Variants in TADA1 observed in about 807,000 individuals in gnomAD.
The protein encoded by TADA1 is transcriptional adapter 1.
In TADA1, 23 loss-of-function variants were observed where a neutral mutation model predicts 39.3. The observed-to-expected ratio is 0.58, with a 90% CI of 0.42 to 0.83. The LOEUF (loss-of-function observed/expected upper bound fraction) is 0.83, where lower values mean the gene tolerates loss of function less well. TADA1 is among the 40% of genes least tolerant of loss of function. TADA1 has a pLI of 0.00. For missense variants in TADA1, 352 were observed against 408.1 expected (o/e 0.86, Z 1.18); for synonymous variants, 137 against 151.8 (o/e 0.90, Z 0.72).
chr1:166,858,640 A>G (rs1658338206), intron 6 of TADA1, among the ~76,000 whole-genome samples: 1 of 152,254 alleles, frequency 6.6e-6, no homozygotes, highest in African/African-American at 2.4e-5. Flanking sequence ...AATTAGAAGA[A>G]AAGAAGACAT....
chr1:166,866,716 C>T (rs1658542743), intron 3 of TADA1, among the ~76,000 whole-genome samples: 1 of 151,900 alleles, frequency 6.6e-6, no homozygotes, highest in Non-Finnish European at 1.5e-5. Flanking sequence ...ACGAATACCA[C>T]TTCAACATTT....
At chr1:166,866,567 A>G (rs1658540286) in intron 3 of TADA1, among the ~76,000 whole-genome samples, 1 of 152,170 alleles carries the variant, frequency 6.6e-6, no homozygotes, top group Non-Finnish European at 1.5e-5. Context: ...TATTAATTTC[A>G]TTTTGAGAAA....
intron 4 of TADA1, 99 bp downstream of exon 4, chr1:166,863,725 T>C: frequency 9.2e-7 from 1 of 1,089,656 alleles, no homozygotes; most frequent in Non-Finnish European, 1.4e-6. Flanking sequence ...TTTTCAACTC[T>C]ACTACCAGTA....
rs375468716 is a variant in TADA1, at chr1:166,872,621, G to A, written c.75-2767C>T. ...CAGGAGGCAGAGGTTGCAGTGAGCC[G>A]AGATAGTGCCATTGCACTCCAGCCT... On this transcript the variant is annotated intron_variant, in intron 1 of 7. Coordinates refer to ENST00000367874, the MANE Select transcript of TADA1 (RefSeq NM_053053.4). 1.7e-4 allele frequency among the ~76,000 whole-genome samples: 26 copies of A among 152,044 alleles called. 1 individual carries two copies. The highest frequency in any genetic ancestry group is 1.5e-3 in the East Asian group (8 of 5,164).
intron 6 of TADA1, 53 bp from the exon 7 acceptor site, chr1:166,858,334 A>G (rs1658331291): frequency 1.4e-6 from 2 of 1,395,856 alleles, no homozygotes; most frequent in Admixed American, 5.2e-5. Flanking sequence ...CTGAGCAACA[A>G]GGACAGGAGT....
At chr1:166,874,506 T>C (rs184324670) in intron 1 of TADA1, among the ~76,000 whole-genome samples, 1 of 151,890 alleles carries the variant, frequency 6.6e-6, no homozygotes. Context: ...TACACTATAG[T>C]CGGGTGTGGT....
intron 3 of TADA1, 185 bp downstream of exon 3, chr1:166,869,260 T>C (rs1418140995): frequency 1.9e-6 from 1 of 535,108 alleles, no homozygotes; most frequent in Non-Finnish European, 3.4e-6. Flanking sequence ...TTCTTAAAAA[T>C]AAAGAGTTTC....
chr1:166,858,383 T>C, intron 6 of TADA1, 102 bp from the exon 7 acceptor site: 1 of 889,628 alleles, frequency 1.1e-6, no homozygotes, highest in Non-Finnish European at 1.6e-6. Context: ...TTTAATTGAA[T>C]TAGAAATCCA....
At chr1:166,860,404 G>C in intron 5 of TADA1, 67 bp from the exon 6 acceptor site, 1 of 1,476,390 alleles carries the variant, frequency 6.8e-7, no homozygotes, top group Non-Finnish European at 9.2e-7. Flanking sequence ...AACTTCCACT[G>C]ACCAAAAAAC....
intron 1 of TADA1, among the ~76,000 whole-genome samples, chr1:166,872,737 C>T (rs1658684327): frequency 6.6e-6 from 1 of 152,086 alleles, no homozygotes; most frequent in African/African-American, 2.4e-5. Flanking sequence ...TGAGTGAAGC[C>T]ACCTGAGGCC....
intron 1 of TADA1, among the ~76,000 whole-genome samples, chr1:166,872,394 G>A (rs958611377): frequency 3.3e-5 from 5 of 152,122 alleles, no homozygotes; most frequent in Admixed American, 6.5e-5. Flanking sequence ...TCTGCAGGCC[G>A]GGCGCGGTGG....
Position 166,862,420 on chromosome 1 carries a change from T to C in TADA1, c.331-8A>G. ...TTGAGGCTGGAATCTATGCTATGAG[T>C]AAGAAAAACTTTTTAAAATTACTCA... On this transcript the variant is annotated splice_region_variant and splice_polypyrimidine_tract_variant and intron_variant, in intron 4 of 7. Transcript: ENST00000367874. The C allele has an allele frequency of 6.2e-7, 1 of 1,612,188 alleles. No homozygotes were observed. The highest frequency in any genetic ancestry group is 1.1e-5 in the South Asian group (1 of 91,042).
chr1:166,871,848 T>A (rs1262552494), intron 1 of TADA1, among the ~76,000 whole-genome samples: 2 of 151,990 alleles, frequency 1.3e-5, no homozygotes, highest in African/African-American at 2.4e-5. Context: ...AAAAATAAAA[T>A]AAAAAAATAG....
chr1:166,866,750 AT>A (rs140146592), intron 3 of TADA1, among the ~76,000 whole-genome samples: 124 of 146,706 alleles, frequency 8.5e-4, no homozygotes, highest in African/African-American at 1.3e-3. Flanking sequence ...TTTTATTTTT[AT>A]TTTTTTTTTT....
chr1:166,865,676 G>A (rs372837503), intron 3 of TADA1, among the ~76,000 whole-genome samples: 63 of 151,874 alleles, frequency 4.1e-4, no homozygotes, highest in Admixed American at 2.6e-3. Context: ...AATATTAGCC[G>A]GGCGTGGTGG....
chr1:166,864,210 T>C (rs1286227664), intron 3 of TADA1, among the ~76,000 whole-genome samples: 1 of 152,226 alleles, frequency 6.6e-6, no homozygotes. Flanking sequence ...TTATTATAGA[T>C]GTAGGACAGA....
At chr1:166,869,576 G>A (rs1330285109) in intron 2 of TADA1, 66 bp from the exon 3 acceptor site, 1 of 1,552,822 alleles carries the variant, frequency 6.4e-7, no homozygotes, top group African/African-American at 1.4e-5. Flanking sequence ...CCACAACTTT[G>A]GTCTAGCTTC....
chr1:166,870,847 T>C (rs181438963), intron 1 of TADA1, among the ~76,000 whole-genome samples: 157 of 152,190 alleles, frequency 1.0e-3, no homozygotes, highest in African/African-American at 3.6e-3. Flanking sequence ...TAAAAGGGAA[T>C]TGGCAGGTAG....
intron 3 of TADA1, 109 bp downstream of exon 3, chr1:166,869,336 A>T: frequency 1.2e-6 from 1 of 820,760 alleles, no homozygotes; most frequent in Non-Finnish European, 1.9e-6. Flanking sequence ...TTTTCTTCTG[A>T]GTAGTTCAAA....
Sources: gnomAD v4.1 joint callset for allele counts (sites outside exome capture counted in the v4.1 genomes callset) on GRCh38, gnomAD v4.1.1 for gene constraint, MANE v1.5 for transcripts, NCBI Gene and HGNC (gene_info 2026-07-23, HGNC 2026-07-21) for gene names.